PRIM2: variants seen among roughly 807,000 people sequenced by gnomAD.
PRIM2 encodes DNA primase large subunit.
In PRIM2, 39 loss-of-function variants were observed where a neutral mutation model predicts 67.3. The observed-to-expected ratio is 0.58, with a 90% CI of 0.45 to 0.76. The LOEUF (loss-of-function observed/expected upper bound fraction) is 0.76, where lower values mean the gene tolerates loss of function less well. Ranked by LOEUF, PRIM2 falls within the 30% of genes least tolerant of loss-of-function variation. The pLI is 0.00. For synonymous variants in PRIM2, 143 were observed against 198.7 expected (o/e 0.72, Z 2.36); for missense variants, 398 against 598.7 (o/e 0.66, Z 3.50).
intron 7 of PRIM2, among the ~76,000 whole-genome samples, chr6:57,482,914 T>A (rs1773664532): frequency 6.6e-6 from 1 of 152,128 alleles, no homozygotes; most frequent in South Asian, 2.1e-4. Context: ...AGTAGATTTT[T>A]TTTTGTTGTT....
chr6:57,240,013 C>T, the PRIM2 span, among the ~76,000 whole-genome samples: 1 of 149,436 alleles, frequency 6.7e-6, no homozygotes, highest in Non-Finnish European at 1.5e-5. Flanking sequence ...ATATTAAGAA[C>T]ATAATTATAA....
chr6:57,227,641 C>CA, the PRIM2 span, among the ~76,000 whole-genome samples: 585 of 83,948 alleles, frequency 7.0e-3, 8 homozygotes, highest in African/African-American at 0.02. Flanking sequence ...GAGACCATCT[C>CA]AAAAAAAAAA....
chr6:57,415,867 A>G (rs1771244533), intron 7 of PRIM2, among the ~76,000 whole-genome samples: 1 of 152,288 alleles, frequency 6.6e-6, no homozygotes, highest in East Asian at 1.9e-4. Context: ...GTTTAGTCCC[A>G]TCTTCAGGCT....
At chr6:57,371,180 A>G (rs1769546476) in intron 5 of PRIM2, among the ~76,000 whole-genome samples, 1 of 141,060 alleles carries the variant, frequency 7.1e-6, no homozygotes, top group African/African-American at 2.7e-5. Flanking sequence ...GCAGAAGACT[A>G]TTTGGAGAAG....
At chr6:57,402,725 G>A (rs2397279) in intron 7 of PRIM2, among the ~76,000 whole-genome samples, 1 of 152,096 alleles carries the variant, frequency 6.6e-6, no homozygotes, top group Admixed American at 6.5e-5. Context: ...AAGCTTATGA[G>A]TTTGAATTTT....
chr6:57,421,888 C>T (rs1385452853), intron 7 of PRIM2, among the ~76,000 whole-genome samples: 7 of 152,206 alleles, frequency 4.6e-5, no homozygotes, highest in Admixed American at 3.9e-4. Flanking sequence ...AGTCTGTGCT[C>T]CTTGAATTCT....
intron 7 of PRIM2, among the ~76,000 whole-genome samples, chr6:57,497,252 C>T (rs1170191194): frequency 9.2e-5 from 14 of 152,092 alleles, no homozygotes; most frequent in Middle Eastern, 3.2e-3. Context: ...GTACCTTTGG[C>T]TGAACAGTTT....
At chr6:57,601,242 T>C (rs1274073245) in intron 11 of PRIM2, 23 bp downstream of exon 11, 2 of 1,571,416 alleles carry the variant, frequency 1.3e-6, no homozygotes, top group Non-Finnish European at 1.7e-6. Flanking sequence ...ACTGGATATG[T>C]TGGCCAAGTA....
chr6:57,294,396 G>A, the PRIM2 span, among the ~76,000 whole-genome samples: 7 of 152,128 alleles, frequency 4.6e-5, no homozygotes, highest in South Asian at 1.5e-3. Flanking sequence ...CAGGAGAATC[G>A]CTTGAACCCA....
intron 7 of PRIM2, among the ~76,000 whole-genome samples, chr6:57,479,204 G>A (rs1238351108): frequency 1.3e-5 from 2 of 152,122 alleles, no homozygotes; most frequent in South Asian, 2.1e-4. Context: ...CACTAAAAAC[G>A]GAAAGAAACC....
At chr6:57,232,672 T>C in the PRIM2 span, among the ~76,000 whole-genome samples, 1 of 152,358 alleles carries the variant, frequency 6.6e-6, no homozygotes, top group East Asian at 1.9e-4. Context: ...ATAGGATATA[T>C]AGCAAGCATG....
At chr6:57,292,426 G>A in the PRIM2 span, among the ~76,000 whole-genome samples, 2 of 152,100 alleles carry the variant, frequency 1.3e-5, no homozygotes, top group African/African-American at 4.8e-5. Context: ...ACTGCCCAAG[G>A]TAATTTATAG....
intron 7 of PRIM2, among the ~76,000 whole-genome samples, chr6:57,385,964 C>T (rs1351221995): frequency 1.3e-5 from 2 of 149,896 alleles, no homozygotes. Flanking sequence ...ATCACAAATA[C>T]TGCTGCTCTG....
intron 10 of PRIM2, among the ~76,000 whole-genome samples, chr6:57,578,697 G>C (rs1403504392): frequency 9.0e-6 from 1 of 110,690 alleles, no homozygotes; most frequent in African/African-American, 3.4e-5. Context: ...TTTTTTTTGA[G>C]ACGGAGTCTC....
chr6:57,479,865 G>T (rs1183136208), intron 7 of PRIM2, among the ~76,000 whole-genome samples: 1 of 152,198 alleles, frequency 6.6e-6, no homozygotes, highest in African/African-American at 2.4e-5. Context: ...GCAAGATGAA[G>T]TCTGAAGGGA....
the PRIM2 span, among the ~76,000 whole-genome samples, chr6:57,287,681 C>T: frequency 4.6e-5 from 7 of 151,462 alleles, no homozygotes; most frequent in Middle Eastern, 3.2e-3. Context: ...ACTTATGTGA[C>T]GGGTTGATAG....
chr6:57,321,829 A>G (rs921326597), intron 3 of PRIM2, among the ~76,000 whole-genome samples: 5 of 152,208 alleles, frequency 3.3e-5, no homozygotes, highest in Non-Finnish European at 4.4e-5. Flanking sequence ...GATACAGCCT[A>G]TTTATTCACA....
At chr6:57,445,376 C>T (rs74926251) in intron 7 of PRIM2, among the ~76,000 whole-genome samples, 2 of 152,146 alleles carry the variant, frequency 1.3e-5, no homozygotes, top group Non-Finnish European at 2.9e-5. Flanking sequence ...TCTAACCTTG[C>T]ATCTTGGAGT....
chr6:57,592,259 C>T (rs1776293106), intron 10 of PRIM2, among the ~76,000 whole-genome samples: 2 of 152,184 alleles, frequency 1.3e-5, no homozygotes, highest in East Asian at 3.8e-4. Context: ...AAAGCCCTAA[C>T]AGCTTCACAC....
Sources: gnomAD v4.1 joint callset for allele counts (sites outside exome capture counted in the v4.1 genomes callset) on GRCh38, gnomAD v4.1.1 for gene constraint, MANE v1.5 for transcripts, NCBI Gene and HGNC (gene_info 2026-07-23, HGNC 2026-07-21) for gene names.